The following PCGF3 variants were observed in gnomAD, a reference collection of about 807,000 sequenced individuals.
PCGF3 encodes polycomb group ring finger 3, also known as polycomb group RING finger protein 3.
PCGF3 carries 7 observed loss-of-function variants against 33.1 expected under a neutral mutation model. The observed-to-expected ratio is 0.21, with a 90% CI of 0.12 to 0.40. The LOEUF (loss-of-function observed/expected upper bound fraction) is 0.40, where lower values mean the gene tolerates loss of function less well. Ranked by LOEUF, PCGF3 falls within the 10% of genes least tolerant of loss-of-function variation. PCGF3 has a pLI of 1.00. For synonymous variants in PCGF3, 153 were observed against 121.3 expected, an observed-to-expected ratio of 1.26 and a Z score of -1.72; for missense variants, 211 against 313.3, an observed-to-expected ratio of 0.67 and a Z score of 2.46.
At chr4:763,427 C>G (rs1745180386) in intron 9 of PCGF3, among the ~76,000 whole-genome samples, 1 of 152,150 alleles carries the variant, frequency 6.6e-6, no homozygotes, top group African/African-American at 2.4e-5. Flanking sequence ...GCCCCCAACC[C>G]AGCCACTCAG....
rs1744302479 is a variant in PCGF3 at position 747,492 on chromosome 4, CGGGGGT to C, written c.462+2805_462+2810del. Among the ~76,000 whole-genome samples, 2 of 15,452 alleles carry C rather than the reference CGGGGGT, an allele frequency of 1.3e-4. 1 individual carries two copies. Among genetic ancestry groups the C allele is most frequent in the African/African-American group, 8.9e-4 (2 of 2,242 alleles). 10.1% of individuals were successfully genotyped at this position (15,452 alleles called of 152,430 possible). ...GAGGCGTGAGCAGGTGGGCGGGGCC[CGGGGGT>C]CGCTGCAGTGTTAGTGCTCGCCGTG... On this transcript the variant is annotated intron_variant, in intron 8 of 10. Transcript: ENST00000362003.
intron 8 of PCGF3, among the ~76,000 whole-genome samples, chr4:754,150 C>T (rs562044607): frequency 2.0e-5 from 3 of 152,160 alleles, no homozygotes; most frequent in East Asian, 1.9e-4. Flanking sequence ...TGTGATGTCC[C>T]AGCACCAGAA....
intron 1 of PCGF3, among the ~76,000 whole-genome samples, chr4:714,716 C>T (rs771120586): frequency 6.6e-5 from 10 of 152,200 alleles, no homozygotes; most frequent in African/African-American, 7.2e-5. Flanking sequence ...GCCAGGCCAG[C>T]GGAGACATAG....
intron 4 of PCGF3, chr4:734,585 T>TAG (rs2109616657): frequency 8.6e-7 from 1 of 1,168,190 alleles, no homozygotes; most frequent in African/African-American, 1.6e-5. Flanking sequence ...TACTGTCATC[T>TAG]TTTAGGACAA....
At chr4:734,617 T>A in intron 4 of PCGF3, 1 of 1,220,542 alleles carries the variant, frequency 8.2e-7, no homozygotes, top group African/African-American at 1.5e-5. Flanking sequence ...ATTATCTGTT[T>A]TAGCCCATGT....
chr4:748,149 C>T (rs1422655064), intron 8 of PCGF3, among the ~76,000 whole-genome samples: 2 of 152,074 alleles, frequency 1.3e-5, no homozygotes, highest in Non-Finnish European at 2.9e-5. Flanking sequence ...ACTACACGGT[C>T]ACAGAGATGC....
intron 1 of PCGF3, among the ~76,000 whole-genome samples, chr4:715,519 C>G (rs1415889715): frequency 6.6e-5 from 9 of 136,204 alleles, no homozygotes; most frequent in African/African-American, 1.4e-4. Flanking sequence ...AACTGGGCGT[C>G]GGTGCTGGGA....
At position 731,099 on chromosome 4, in the gene PCGF3, C is replaced by T. The variant is rs1424065142; in HGVS notation, c.-21C>T. ...CCCGGCAGAGGGACGGACACGCGGA[C>T]GTCTAGCGGAGGTGAGGCCCACGCC... is the stretch of plus-strand genomic sequence containing the variant. On this transcript the variant is annotated 5_prime_UTR_variant, in exon 3 of 11. It adds an upstream start codon to the 5' untranslated region. Coordinates refer to ENST00000362003, the Ensembl canonical transcript of PCGF3. The T allele has an allele frequency of 5.0e-6, 2 of 398,454 alleles. No homozygotes were observed. Among genetic ancestry groups the T allele is most frequent in the Middle Eastern group, 6.2e-4 (1 of 1,612 alleles). The allele number at this position is 398,454 out of a possible 1,614,324, so 24.7% of individuals were successfully genotyped here.
At chr4:715,050 C>A (rs1742750092) in intron 1 of PCGF3, among the ~76,000 whole-genome samples, 1 of 146,126 alleles carries the variant, frequency 6.8e-6, no homozygotes. Flanking sequence ...GTGCTGGGAC[C>A]CTGTAGACAC....
chr4:739,056 C>G (rs1743971238), intron 6 of PCGF3, among the ~76,000 whole-genome samples: 1 of 152,100 alleles, frequency 6.6e-6, no homozygotes. Flanking sequence ...CAGTACGTAT[C>G]CCCAAAAGAT....
rs546614108 is a variant in PCGF3 at position 751,230 on chromosome 4, G to A, written c.462+6542G>A. Among the ~76,000 whole-genome samples, 74 of 152,246 alleles carry A rather than the reference G, an allele frequency of 4.9e-4. 1 individual carries two copies. Among genetic ancestry groups the A allele is most frequent in the African/African-American group, 1.7e-3 (71 of 41,528 alleles). On this transcript the variant is annotated intron_variant, in intron 8 of 10. Coordinates refer to ENST00000362003, the Ensembl canonical transcript of PCGF3. ...ACTTCGTGATGAGTTCCTGATCTCC[G>A]TCTTCCAAAACTTGGGAAGTCATCC...
intron 1 of PCGF3, among the ~76,000 whole-genome samples, chr4:723,263 C>G (rs1042061047): frequency 6.6e-6 from 1 of 152,346 alleles, no homozygotes; most frequent in East Asian, 1.9e-4. Flanking sequence ...CTGCAGTTGC[C>G]GGGAGCCATG....
chr4:765,833 G>A (rs1361034198), intron 10 of PCGF3, among the ~76,000 whole-genome samples, 199 bp from the exon 11 acceptor site: 2 of 152,162 alleles, frequency 1.3e-5, no homozygotes, highest in East Asian at 3.9e-4. Context: ...AGGGGAGAGG[G>A]CACATGTCTT....
At chr4:751,796 A>T (rs1744525690) in intron 8 of PCGF3, among the ~76,000 whole-genome samples, 1 of 152,200 alleles carries the variant, frequency 6.6e-6, no homozygotes, top group East Asian at 1.9e-4. Context: ...TTTGTTCAGC[A>T]GCCAACTCAG....
chr4:765,981 T>A, intron 10 of PCGF3, 51 bp from the exon 11 acceptor site: 2 of 1,576,582 alleles, frequency 1.3e-6, no homozygotes, highest in South Asian at 2.2e-5. Context: ...AGTAGGTCCT[T>A]CTCGCCTCCA....
At chr4:727,887 A>G (rs1743395554) in intron 1 of PCGF3, among the ~76,000 whole-genome samples, 1 of 152,198 alleles carries the variant, frequency 6.6e-6, no homozygotes, top group South Asian at 2.1e-4. Flanking sequence ...TTCTCTGAGA[A>G]GAGTATGAGA....
chr4:736,768 GTGTCCCC>G, intron 5 of PCGF3, among the ~76,000 whole-genome samples: 1 of 149,546 alleles, frequency 6.7e-6, no homozygotes. Flanking sequence ...CGCAGGGACG[GTGTCCCC>G]TGAGCGCACG....
In PCGF3 at chr4:707,220, G is replaced by C. The variant is rs998311161; in HGVS notation, c.-190+1250G>C. On this transcript the variant is annotated intron_variant, in intron 1 of 10. Transcript: ENST00000362003. ...GGACCTGGCCACCTGGCAGGGCCCG[G>C]GGGGGCTAGGACCCTGGGAAGAATC... 1.3e-4 allele frequency among the ~76,000 whole-genome samples: 20 copies of C among 152,052 alleles called. No homozygotes were observed. In the South Asian group the frequency reaches 2.5e-3, roughly 19 times the overall value.
At chr4:714,563 C>T (rs537322264) in intron 1 of PCGF3, among the ~76,000 whole-genome samples, 2 of 152,326 alleles carry the variant, frequency 1.3e-5, no homozygotes, top group African/African-American at 4.8e-5. Context: ...TCCATGTTTT[C>T]CTGAACCAGA....
Sources: gnomAD v4.1 joint callset for allele counts (sites outside exome capture counted in the v4.1 genomes callset) on GRCh38, gnomAD v4.1.1 for gene constraint, MANE v1.5 for transcripts, NCBI Gene and HGNC (gene_info 2026-07-23, HGNC 2026-07-21) for gene names.